Variants in FBXO25 observed in about 807,000 individuals in gnomAD.
FBXO25 encodes F-box protein 25, also known as F-box only protein 25.
FBXO25 carries 45 observed loss-of-function variants against 51.9 expected under a neutral mutation model. That is an observed-to-expected ratio of 0.87 (90% CI 0.68 to 1.11). The LOEUF is 1.11. FBXO25 is among the 50% of genes most tolerant of loss of function. FBXO25 has a pLI of 0.00. For missense variants in FBXO25, 507 were observed against 428.5 expected (o/e 1.18, Z -1.62); for synonymous variants, 199 against 151.0 (o/e 1.32, Z -2.33).
At position 474,236 on chromosome 8, in the gene FBXO25, C is replaced by T. The variant is rs1451540834; in HGVS notation, c.*5432C>T. 1.2e-5 allele frequency: 2 copies of T among 169,976 alleles called. No homozygotes were observed. Among genetic ancestry groups the T allele is most frequent in the African/African-American group, 2.4e-5 (1 of 41,678 alleles). The allele number at this position is 169,976 out of a possible 1,614,324, so 10.5% of individuals were successfully genotyped here. On this transcript the variant is annotated 3_prime_UTR_variant, in exon 10 of 10. Coordinates refer to ENST00000350302, the MANE Select transcript of FBXO25 (RefSeq NM_183420.2). ...GTCCTTTTGTGACTGGCTTATTTCA[C>T]TTAGCGTAATGTCCTCAAGGTTTAT...
In FBXO25 at chr8:463,124, C is replaced by T. The variant is rs756484956; in HGVS notation, c.961C>T (p.Arg321Trp). 1.2e-5 allele frequency: 20 copies of T among 1,612,970 alleles called. No homozygotes were observed. The highest frequency in any genetic ancestry group is 2.7e-5 in the African/African-American group (2 of 74,874). Residue 321 changes from arginine (R) to tryptophan (W), a missense_variant, in exon 9 of 10, where the codon CGG becomes TGG. Arg to Trp is a moderately radical substitution (Grantham distance 101, BLOSUM62 -3). Transcript: ENST00000350302. ...GTACGGAGACACACTGCATTTCTGT[C>T]GGCACTGCAGCATTCTCTTTTGGAA... ...EQYGDTLHFCRHCSILFWKDS... is the reference protein window; with the variant it reads ...EQYGDTLHFCWHCSILFWKDS...
At chr8:425,015 A>G (rs1797384958) in intron 2 of FBXO25, among the ~76,000 whole-genome samples, 1 of 152,214 alleles carries the variant, frequency 6.6e-6, no homozygotes, top group Non-Finnish European at 1.5e-5. Context: ...AAAGAGTTTT[A>G]TAAAGTTGCC....
At chr8:446,774 T>C (rs1656651723) in intron 5 of FBXO25, among the ~76,000 whole-genome samples, 1 of 152,216 alleles carries the variant, frequency 6.6e-6, no homozygotes, top group African/African-American at 2.4e-5. Flanking sequence ...GATATTTTTA[T>C]GTAAATATGT....
rs1039316377 is a variant in FBXO25 at position 469,140 on chromosome 8, A to C, written c.*336A>C. Reference sequence around the variant, plus strand: ...GTTGACGTGACACTAACGGCCAATAATATGCTTCTTAATTATCAAATTATA... The same window carrying C: ...GTTGACGTGACACTAACGGCCAATACTATGCTTCTTAATTATCAAATTATA... On this transcript the variant is annotated 3_prime_UTR_variant, in exon 10 of 10. Coordinates refer to ENST00000350302, the MANE Select transcript of FBXO25 (RefSeq NM_183420.2). The C allele has an allele frequency of 1.8e-5, 4 of 224,572 alleles. 1 individual carries two copies. Among genetic ancestry groups the C allele is most frequent in the Admixed American group, 1.7e-4 (3 of 17,734 alleles). 13.9% of individuals were successfully genotyped at this position (224,572 alleles called of 1,614,324 possible).
intron 5 of FBXO25, among the ~76,000 whole-genome samples, chr8:446,805 T>C (rs1228500930): frequency 3.3e-5 from 5 of 152,206 alleles, no homozygotes; most frequent in African/African-American, 1.2e-4. Flanking sequence ...AGAATGTTTT[T>C]TCCCCCAAAG....
chr8:451,304 GA>G lies in FBXO25; in HGVS notation c.512del (p.Asp171ValfsTer6). 6.2e-7 allele frequency: 1 copy of G among 1,610,364 alleles called. No homozygotes were observed. Among genetic ancestry groups the G allele is most frequent in the Non-Finnish European group, 8.5e-7 (1 of 1,179,068 alleles). ...CCACCACAATCCTCGCTTAATCAAA[GA>G]TCTTCTGCAAGACCTAAGCTCTACC... ...DDHHNPRLIK[D>X]LLQDLSSTLC... On this transcript the variant is annotated frameshift_variant, in exon 7 of 10. Transcript: ENST00000350302. LOFTEE classifies it high-confidence loss of function.
intron 2 of FBXO25, among the ~76,000 whole-genome samples, chr8:417,957 G>C (rs984733929): frequency 1.8e-4 from 28 of 152,120 alleles, no homozygotes; most frequent in African/African-American, 6.5e-4. Flanking sequence ...TAAAATTCTA[G>C]TATTGCCACA....
At chr8:461,741 G>A (rs1006597977) in intron 8 of FBXO25, among the ~76,000 whole-genome samples, 5 of 152,126 alleles carry the variant, frequency 3.3e-5, no homozygotes, top group Non-Finnish European at 5.9e-5. Context: ...GATGTGTAAT[G>A]TAAGAGGAAT....
rs151251523 is a variant in FBXO25 at position 417,567 on chromosome 8, C to T, written c.134+4354C>T. 1.6e-4 allele frequency among the ~76,000 whole-genome samples: 24 copies of T among 152,280 alleles called. No homozygotes were observed. In the East Asian group the frequency reaches 4.3e-3, roughly 27 times the overall value. ...CATTAACTGATATAACATCTAAATC[C>T]GCCTTGTCTTGCACAGGGTCCTTGG... On this transcript the variant is annotated intron_variant, in intron 2 of 9. Coordinates refer to ENST00000350302, the MANE Select transcript of FBXO25 (RefSeq NM_183420.2).
chr8:420,334 C>T (rs4045417), intron 2 of FBXO25: 4 of 152,210 alleles, frequency 2.6e-5, no homozygotes, highest in African/African-American at 9.6e-5. Flanking sequence ...TGCTCTCCAA[C>T]CCTGCTACTG....
chr8:440,470 C>G (rs1174582598), intron 5 of FBXO25, among the ~76,000 whole-genome samples: 19 of 152,328 alleles, frequency 1.2e-4, no homozygotes, highest in African/African-American at 4.1e-4. Context: ...AAAAACGTAG[C>G]TGTCCTGACA....
intron 5 of FBXO25, among the ~76,000 whole-genome samples, chr8:447,734 A>G (rs1798832005): frequency 6.6e-6 from 1 of 152,222 alleles, no homozygotes; most frequent in South Asian, 2.1e-4. Flanking sequence ...ACCTGAAGGT[A>G]ATTTTATACA....
chr8:454,968 A>C (rs761018042), intron 7 of FBXO25, among the ~76,000 whole-genome samples: 2 of 152,028 alleles, frequency 1.3e-5, no homozygotes, highest in Non-Finnish European at 2.9e-5. Context: ...GTGCTTAACA[A>C]CTGGCTCTCC....
chr8:431,609 A>C (rs1454217139), intron 3 of FBXO25, among the ~76,000 whole-genome samples, 165 bp downstream of exon 3: 1 of 152,224 alleles, frequency 6.6e-6, no homozygotes, highest in Admixed American at 6.5e-5. Context: ...TTGCAGCTCA[A>C]CCGTTTCAGT....
chr8:419,503 G>A (rs1274243865), intron 2 of FBXO25, among the ~76,000 whole-genome samples: 1 of 152,238 alleles, frequency 6.6e-6, no homozygotes, highest in Non-Finnish European at 1.5e-5. Flanking sequence ...AGTCCATACA[G>A]ATATGGTCGG....
chr8:432,372 T>G (rs563937117), intron 3 of FBXO25, among the ~76,000 whole-genome samples: 1 of 152,314 alleles, frequency 6.6e-6, no homozygotes, highest in East Asian at 1.9e-4. Context: ...AATTTTCCAC[T>G]TAATGTTTTC....
intron 9 of FBXO25, chr8:468,068 G>A: frequency 3.5e-6 from 4 of 1,147,806 alleles, no homozygotes; most frequent in Non-Finnish European, 4.3e-6. Flanking sequence ...ACTGACCCCA[G>A]AGCCTCTGGT....
chr8:422,889 G>T (rs4493890), intron 2 of FBXO25, among the ~76,000 whole-genome samples: 4 of 152,042 alleles, frequency 2.6e-5, no homozygotes, highest in African/African-American at 9.7e-5. Context: ...TATGTGTTAC[G>T]GGAGGTACAC....
Position 476,028 on chromosome 8 carries a change from C to T in FBXO25, c.*7224C>T, listed in dbSNP as rs147398018. 294 of 152,244 alleles carry T rather than the reference C, an allele frequency of 1.9e-3. No homozygotes were observed. The highest frequency in any genetic ancestry group is 6.8e-3 in the African/African-American group (284 of 41,554). 9.4% of individuals were successfully genotyped at this position (152,244 alleles called of 1,614,324 possible). ...TTACAGTGGGATGTTCATATGGCCT[C>T]TATTTTAGGTTGTTTCCTTCTATTC... On this transcript the variant is annotated 3_prime_UTR_variant, in exon 10 of 10. Transcript: ENST00000350302.
Sources: allele counts gnomAD v4.1 joint callset (sites outside exome capture counted in the v4.1 genomes callset), GRCh38; gene constraint gnomAD v4.1.1; transcripts MANE v1.5; gene names NCBI Gene and HGNC (gene_info 2026-07-23, HGNC 2026-07-21).